Variants in TGDS observed in about 807,000 individuals in gnomAD.
TGDS encodes TDP-glucose 4,6-dehydratase.
TGDS carries 47 observed loss-of-function variants against 52.3 expected under a neutral mutation model. That is an observed-to-expected ratio of 0.90 (90% CI 0.71 to 1.15). The LOEUF (loss-of-function observed/expected upper bound fraction) is 1.15. TGDS is among the 50% of genes most tolerant of loss of function. The probability of loss-of-function intolerance (pLI) is 0.00; values close to 1 mark genes in which losing one functional copy is unlikely to be tolerated. For synonymous variants in TGDS, 115 were observed against 136.9 expected, an observed-to-expected ratio of 0.84 and a Z score of 1.12; for missense variants, 375 against 418.4, an observed-to-expected ratio of 0.90 and a Z score of 0.90.
rs546237136 is a variant in TGDS at position 94,577,421 on chromosome 13, C to G, written c.834G>C (p.Glu278Asp). 66 of 1,569,270 alleles carry G rather than the reference C, an allele frequency of 4.2e-5. No homozygotes were observed. In the African/African-American group the frequency reaches 6.9e-4, roughly 16 times the overall value. Residue 278 changes from glutamate to aspartate, a missense_variant, in exon 10 of 12, where the codon GAG becomes GAC. Physicochemically the swap from Glu to Asp is conservative, Grantham distance 45. Transcript: ENST00000261296. ...LAKELIQLIKETNSESEMENW... is the reference protein window; with the variant it reads ...LAKELIQLIKDTNSESEMENW... ...TTTCCATTTCAGACTCTGAATTGGTCTCTTTGATCTGTCAAAATGGAAAAA... is the reference window on the plus strand; with the variant it reads ...TTTCCATTTCAGACTCTGAATTGGTGTCTTTGATCTGTCAAAATGGAAAAA...
chr13:94,578,325 T>C (rs916477545), intron 8 of TGDS, among the ~76,000 whole-genome samples, 155 bp from the exon 9 acceptor site: 1 of 152,294 alleles, frequency 6.6e-6, no homozygotes, highest in Admixed American at 6.5e-5. Flanking sequence ...CTAAATTTTG[T>C]TCATATTTCT....
At chr13:94,589,053 G>A (rs34405130) in intron 4 of TGDS, among the ~76,000 whole-genome samples, 101,103 of 151,958 alleles carry the variant, frequency 0.67, 33,864 homozygotes, top group Admixed American at 0.72. Flanking sequence ...ATACATCTTC[G>A]TGACCTTGGG....
At chr13:94,577,923 A>C (rs1888654562) in intron 9 of TGDS, 82 bp downstream of exon 9, 1 of 1,351,656 alleles carries the variant, frequency 7.4e-7, no homozygotes, top group Non-Finnish European at 1.0e-6. Flanking sequence ...TAAATTAAGT[A>C]AGCTGTATGC....
At chr13:94,577,034 A>G (rs7321239) in intron 10 of TGDS, among the ~76,000 whole-genome samples, 102,937 of 151,360 alleles carry the variant, frequency 0.68, 35,400 homozygotes, top group African/African-American at 0.77. Context: ...CTGGGAAGGC[A>G]GAGATTGCAG....
At position 94,585,930 on chromosome 13, in the gene TGDS, A is replaced by G. The variant is rs193110607; in HGVS notation, c.314-2694T>C. 3.4e-3 allele frequency among the ~76,000 whole-genome samples: 523 copies of G among 152,310 alleles called. 3 individuals are homozygous for G. The highest frequency in any genetic ancestry group is 6.2e-3 in the Non-Finnish European group (424 of 68,028). On this transcript the variant is annotated intron_variant, in intron 4 of 11. Coordinates refer to ENST00000261296, the MANE Select transcript of TGDS (RefSeq NM_014305.4). ...TTTGATAAGCTAATTACACATCTGT[A>G]ATTTGTAGAGTAACCACTCCAAGAG...
At chr13:94,587,516 G>C (rs552192304) in intron 4 of TGDS, among the ~76,000 whole-genome samples, 1 of 150,772 alleles carries the variant, frequency 6.6e-6, no homozygotes, top group African/African-American at 2.5e-5. Flanking sequence ...AAAAGCATAC[G>C]TATATAAACA....
At chr13:94,583,334 T>C in intron 4 of TGDS, 98 bp from the exon 5 acceptor site, 1 of 1,249,798 alleles carries the variant, frequency 8.0e-7, no homozygotes, top group Non-Finnish European at 1.1e-6. Flanking sequence ...TAGTCACTGT[T>C]CTTCATTTAC....
chr13:94,587,440 T>C (rs1186310409), intron 4 of TGDS, among the ~76,000 whole-genome samples: 1 of 152,134 alleles, frequency 6.6e-6, no homozygotes, highest in Non-Finnish European at 1.5e-5. Flanking sequence ...GCTACAGTAA[T>C]TAAGACAGTG....
chr13:94,596,207 C>A, upstream of TGDS: 2 of 1,507,710 alleles, frequency 1.3e-6, no homozygotes, highest in South Asian at 2.4e-5. Flanking sequence ...CCGCCGCGAC[C>A]TTTTGCGACG....
chr13:94,581,070 G>A (rs750079674), intron 6 of TGDS, 21 bp downstream of exon 6: 17 of 1,345,670 alleles, frequency 1.3e-5, no homozygotes, highest in Non-Finnish European at 1.7e-5. Flanking sequence ...TGTTTCAAGA[G>A]TTTCTGCAAT....
rs908122677 is a variant in TGDS, at chr13:94,583,136, A to T, written c.414T>A (p.Ile138=). ...CATATACTTCATCTGTGCTGACATA[A>T]ATAAACTTCTCCACTCTGGCTTCAT... ...AAHEARVEKF[I]YVSTDEVYGG... is the part of the protein sequence containing the mutation. The change falls in exon 5 of 12, where the codon ATT becomes ATA. Residue 138 remains isoleucine, a synonymous_variant. Coordinates refer to ENST00000261296, the MANE Select transcript of TGDS (RefSeq NM_014305.4). 1 of 1,613,956 alleles carries T rather than the reference A, an allele frequency of 6.2e-7. No individual in the cohort carries two copies. The highest frequency in any genetic ancestry group is 1.3e-5 in the African/African-American group (1 of 75,054).
At chr13:94,585,135 T>C in intron 4 of TGDS, among the ~76,000 whole-genome samples, 1 of 152,024 alleles carries the variant, frequency 6.6e-6, no homozygotes, top group East Asian at 1.9e-4. Context: ...CTGCCACCTC[T>C]GCCTCCCAGA....
intron 11 of TGDS, 34 bp from the exon 12 acceptor site, chr13:94,574,886 A>G (rs1566949957): frequency 4.0e-6 from 3 of 753,566 alleles, no homozygotes; most frequent in East Asian, 4.6e-5. Context: ...AAAAAAAAAA[A>G]GAAAAGAAAG....
In TGDS at chr13:94,576,310, A is replaced by T. The variant is rs763554055; in HGVS notation, c.982+4T>A. 42 of 1,580,860 alleles carry T rather than the reference A, an allele frequency of 2.7e-5. No individual in the cohort carries two copies. In the South Asian group the frequency reaches 4.5e-4, roughly 17 times the overall value. On this transcript the variant is annotated splice_donor_region_variant and intron_variant, in intron 11 of 11. Transcript: ENST00000261296. ...GCCCCCAAAATGATTAATTCAAAAC[A>T]TACTTGTTTTCTTTATTCCTTCTTT...
At position 94,584,610 on chromosome 13, in the gene TGDS, T is replaced by C. The variant is rs575572404; in HGVS notation, c.314-1374A>G. Among the ~76,000 whole-genome samples the C allele has an allele frequency of 3.9e-5, 6 of 152,298 alleles. No homozygotes were observed. In the South Asian group the frequency reaches 1.2e-3, roughly 32 times the overall value. On this transcript the variant is annotated intron_variant, in intron 4 of 11. Coordinates refer to ENST00000261296, the MANE Select transcript of TGDS (RefSeq NM_014305.4). ...CAATGTCCAATCAGTTAATAAGCAC[T>C]CCCAGTGCCCAGACTGTGGCCTCTA...
intron 1 of TGDS, chr13:94,595,835 T>G: frequency 1.6e-6 from 1 of 608,706 alleles, no homozygotes; most frequent in South Asian, 2.0e-5. Context: ...GTAACGCAGC[T>G]TTGGAAGAGG....
At position 94,581,119 on chromosome 13, in the gene TGDS, A is replaced by G; in HGVS notation, c.527T>C (p.Phe176Ser). The change falls in exon 6 of 12, where the codon TTT becomes TCT. Residue 176 changes from phenylalanine to serine, a missense_variant. Physicochemically the swap from Phe to Ser is radical, Grantham distance 155 (BLOSUM62 -2). Coordinates refer to ENST00000261296, the MANE Select transcript of TGDS (RefSeq NM_014305.4). ...YASSKAAAEC[F>S]VQSYWEQYKF... ...ATATTGTTCCCAGTAAGACTGTACAAAACATTCAGCAGCTGCTTTAGATGA... is the reference window on the plus strand; with the variant it reads ...ATATTGTTCCCAGTAAGACTGTACAGAACATTCAGCAGCTGCTTTAGATGA... The G allele has an allele frequency of 6.3e-7, 1 of 1,593,340 alleles. No homozygotes were observed. The highest frequency in any genetic ancestry group is 1.2e-5 in the South Asian group (1 of 84,886).
intron 4 of TGDS, 59 bp from the exon 5 acceptor site, chr13:94,583,295 A>G (rs1160393718): frequency 6.4e-7 from 1 of 1,560,998 alleles, no homozygotes; most frequent in African/African-American, 1.4e-5. Flanking sequence ...ACAAATGCCA[A>G]ATGATGGACT....
chr13:94,583,021 C>A, intron 5 of TGDS, 73 bp downstream of exon 5: 1 of 1,517,036 alleles, frequency 6.6e-7, no homozygotes, highest in Non-Finnish European at 8.9e-7. Context: ...ATGAAAAAAG[C>A]CCAGTGTAGG....
Sources: gnomAD v4.1 joint callset for allele counts (sites outside exome capture counted in the v4.1 genomes callset) on GRCh38, gnomAD v4.1.1 for gene constraint, MANE v1.5 for transcripts, NCBI Gene and HGNC (gene_info 2026-07-23, HGNC 2026-07-21) for gene names.